COP1: variants seen among roughly 807,000 people sequenced by gnomAD.
COP1 encodes COP1 E3 ubiquitin ligase.
Under a neutral mutation model 101.3 loss-of-function variants are expected in COP1, and 24 were observed. The ratio of observed to expected loss-of-function variants is 0.24; its 90% CI spans 0.17 to 0.33. COP1 has a LOEUF of 0.33. Ranked by LOEUF, COP1 falls within the 10% of genes least tolerant of loss-of-function variation. The pLI, the probability that COP1 is intolerant of heterozygous loss-of-function variation, is 1.00. For missense variants in COP1, 663 were observed against 906.2 expected (o/e 0.73, Z 3.45); for synonymous variants, 347 against 341.9 (o/e 1.01, Z -0.17).
chr1:176,067,917 C>G (rs1198871779), intron 11 of COP1, among the ~76,000 whole-genome samples: 1 of 152,220 alleles, frequency 6.6e-6, no homozygotes, highest in Non-Finnish European at 1.5e-5. Flanking sequence ...TGTCCCCTCC[C>G]CATAGGGTCA....
At chr1:176,164,644 A>C (rs1333178231) in intron 3 of COP1, among the ~76,000 whole-genome samples, 2 of 152,198 alleles carry the variant, frequency 1.3e-5, no homozygotes, top group Non-Finnish European at 2.9e-5. Context: ...ATAGCCAGCC[A>C]AAAGACCAAG....
At chr1:175,975,098 C>T (rs1000915665) in intron 18 of COP1, among the ~76,000 whole-genome samples, 1 of 152,100 alleles carries the variant, frequency 6.6e-6, no homozygotes, top group Non-Finnish European at 1.5e-5. Context: ...GATTTATTCA[C>T]ACCTATTCAG....
intron 11 of COP1, among the ~76,000 whole-genome samples, chr1:176,062,134 G>T (rs1049993431): frequency 6.6e-6 from 1 of 152,050 alleles, no homozygotes; most frequent in Non-Finnish European, 1.5e-5. Context: ...CCGAGTAGCT[G>T]GGACTACAGG....
intron 1 of COP1, among the ~76,000 whole-genome samples, chr1:176,193,792 G>T (rs1015870007): frequency 6.6e-6 from 1 of 152,110 alleles, no homozygotes; most frequent in Non-Finnish European, 1.5e-5. Flanking sequence ...TGATTGTAAG[G>T]GAAGAGGAAA....
chr1:176,144,203 AACAT>A (rs976573021), intron 6 of COP1, among the ~76,000 whole-genome samples: 34 of 152,308 alleles, frequency 2.2e-4, no homozygotes, highest in African/African-American at 7.9e-4. Flanking sequence ...GTACATAGAA[AACAT>A]ACAAGAATCT....
At chr1:176,177,642 G>T (rs541379805) in intron 2 of COP1, among the ~76,000 whole-genome samples, 14 of 152,134 alleles carry the variant, frequency 9.2e-5, no homozygotes, top group African/African-American at 3.4e-4. Context: ...TTACAAAGGT[G>T]ATCTGTAAAA....
At chr1:176,133,292 A>G (rs1689253394) in intron 8 of COP1, among the ~76,000 whole-genome samples, 1 of 151,394 alleles carries the variant, frequency 6.6e-6, no homozygotes, top group African/African-American at 2.4e-5. Flanking sequence ...ATGTACACAT[A>G]TATATGTGAA....
rs145064741 is a variant in COP1, at chr1:176,123,495, C to T, written c.969-6814G>A. On this transcript the variant is annotated intron_variant, in intron 8 of 19. Transcript: ENST00000367669. The stretch of plus-strand genomic sequence containing the variant: ...GAGTTTCCTATGTGACTCTAAATGA[C>T]TCTAACCTGAAAGGACAAAAAGCCA... Among the ~76,000 whole-genome samples the T allele has an allele frequency of 2.6e-3, 399 of 152,208 alleles. 3 individuals are homozygous for T. Among genetic ancestry groups the T allele is most frequent in the African/African-American group, 9.2e-3 (381 of 41,540 alleles).
chr1:176,081,995 T>C (rs4652148), intron 10 of COP1, among the ~76,000 whole-genome samples: 8,089 of 152,264 alleles, frequency 0.053, 465 homozygotes, highest in Middle Eastern at 0.14. Flanking sequence ...TAAAGTCCAC[T>C]TCAGTAAACT....
chr1:176,002,570 T>C (rs75952752), intron 15 of COP1, among the ~76,000 whole-genome samples: 9,587 of 140,020 alleles, frequency 0.068, 399 homozygotes, highest in Middle Eastern at 0.12. Context: ...TGTGATCTCA[T>C]TGTTCAATTC....
At chr1:176,029,515 T>C (rs962265263) in intron 14 of COP1, among the ~76,000 whole-genome samples, 2 of 152,152 alleles carry the variant, frequency 1.3e-5, no homozygotes, top group African/African-American at 4.8e-5. Context: ...GGATGCACAT[T>C]AGAATAAATA....
At chr1:176,054,351 A>C (rs1334207474) in intron 11 of COP1, among the ~76,000 whole-genome samples, 4 of 151,722 alleles carry the variant, frequency 2.6e-5, no homozygotes, top group Admixed American at 2.0e-4. Flanking sequence ...TAGTAGAGAC[A>C]GGGTTTCACC....
chr1:176,197,020 C>T (rs905584075), intron 1 of COP1, among the ~76,000 whole-genome samples: 1 of 152,052 alleles, frequency 6.6e-6, no homozygotes, highest in African/African-American at 2.4e-5. Context: ...TTCCATCCCT[C>T]GCAAAAGAAA....
intron 18 of COP1, among the ~76,000 whole-genome samples, chr1:175,950,160 A>G (rs1160421044): frequency 6.6e-6 from 1 of 152,094 alleles, no homozygotes; most frequent in Non-Finnish European, 1.5e-5. Flanking sequence ...GATGCTATCC[A>G]AGGGTTAACT....
chr1:176,114,178 T>C (rs2481631), intron 9 of COP1, among the ~76,000 whole-genome samples: 43,413 of 152,000 alleles, frequency 0.29, 6,969 homozygotes, highest in East Asian at 0.52. Flanking sequence ...TCCTACGGTA[T>C]ATTTCAATTT....
intron 9 of COP1, among the ~76,000 whole-genome samples, chr1:176,093,406 AG>A (rs1235099121): frequency 2.6e-5 from 4 of 152,176 alleles, no homozygotes; most frequent in African/African-American, 4.8e-5. Flanking sequence ...TTTAGCCTAC[AG>A]ATCTCTTCAA....
Position 176,066,608 on chromosome 1 carries a change from G to A in COP1, c.1277+14544C>T, listed in dbSNP as rs148963268. Among the ~76,000 whole-genome samples, 85 of 152,252 alleles carry A rather than the reference G, an allele frequency of 5.6e-4. No individual in the cohort carries two copies. In the East Asian group the frequency reaches 0.015, roughly 27 times the overall value. ...CAGCCCAGTGGCTGCTGACTTTTAC[G>A]TCAAGGTGAGATGGTTCTCCAGCAG... On this transcript the variant is annotated intron_variant, in intron 11 of 19. Coordinates refer to ENST00000367669, the MANE Select transcript of COP1 (RefSeq NM_022457.7).
intron 8 of COP1, among the ~76,000 whole-genome samples, chr1:176,121,692 T>C (rs11576373): frequency 0.022 from 3,413 of 152,186 alleles, 59 homozygotes; most frequent in Non-Finnish European, 0.032. Context: ...AAAATCCAAC[T>C]GAAAATTAAA....
chr1:176,078,883 T>C (rs1392270903), intron 11 of COP1, among the ~76,000 whole-genome samples: 2 of 151,812 alleles, frequency 1.3e-5, no homozygotes, highest in Non-Finnish European at 2.9e-5. Context: ...AACAAGCATA[T>C]GAAAAAACAC....
Sources: gnomAD v4.1 joint callset for allele counts (sites outside exome capture counted in the v4.1 genomes callset) on GRCh38, gnomAD v4.1.1 for gene constraint, MANE v1.5 for transcripts, NCBI Gene and HGNC (gene_info 2026-07-23, HGNC 2026-07-21) for gene names.